WWP2: variants seen among roughly 807,000 people sequenced by gnomAD.
The protein encoded by WWP2 is WW domain containing E3 ubiquitin protein ligase 2, also known as NEDD4-like E3 ubiquitin-protein ligase WWP2.
WWP2 carries 57 observed loss-of-function variants against 121.0 expected under a neutral mutation model. The ratio of observed to expected loss-of-function variants is 0.47; its 90% CI spans 0.38 to 0.59. The LOEUF (loss-of-function observed/expected upper bound fraction) is 0.59. WWP2 is among the 20% of genes least tolerant of loss of function. WWP2 has a pLI of 0.00. For synonymous variants in WWP2, 449 were observed against 441.3 expected (o/e 1.02, Z -0.22); for missense variants, 962 against 1,158.9 (o/e 0.83, Z 2.47).
At chr16:69,846,786 G>A (rs980047722) in intron 6 of WWP2, among the ~76,000 whole-genome samples, 2 of 151,990 alleles carry the variant, frequency 1.3e-5, no homozygotes, top group African/African-American at 2.4e-5. Context: ...TATCTTGGGA[G>A]GAGGCAGACA....
At chr16:69,849,401 A>G (rs1354741064) in intron 6 of WWP2, among the ~76,000 whole-genome samples, 1 of 152,240 alleles carries the variant, frequency 6.6e-6, no homozygotes, top group Non-Finnish European at 1.5e-5. Context: ...CCCATGCAGT[A>G]GCTTATGCTT....
intron 1 of WWP2, among the ~76,000 whole-genome samples, chr16:69,769,968 T>C (rs1170279173): frequency 2.0e-5 from 3 of 151,640 alleles, no homozygotes; most frequent in Admixed American, 2.0e-4. Context: ...TCTAAGCGAT[T>C]CCCGTGCCTC....
At chr16:69,812,477 C>CTTTTT (rs1178666410) in intron 4 of WWP2, among the ~76,000 whole-genome samples, 6 of 119,888 alleles carry the variant, frequency 5.0e-5, no homozygotes, top group African/African-American at 1.6e-4. Context: ...AACCCCCCCC[C>CTTTTT]TTTTTTTTTT....
At chr16:69,820,034 C>T (rs1274010276) in intron 4 of WWP2, among the ~76,000 whole-genome samples, 8 of 151,946 alleles carry the variant, frequency 5.3e-5, no homozygotes, top group South Asian at 2.1e-4. Context: ...GGATGGGGTT[C>T]GAGACTAGCC....
At chr16:69,814,417 C>T (rs532000768) in intron 4 of WWP2, among the ~76,000 whole-genome samples, 2 of 148,770 alleles carry the variant, frequency 1.3e-5, no homozygotes, top group African/African-American at 5.0e-5. Context: ...AACCTTCCTC[C>T]ACTCTCATGA....
intron 4 of WWP2, among the ~76,000 whole-genome samples, chr16:69,828,900 C>G (rs2056748678): frequency 6.6e-6 from 1 of 152,136 alleles, no homozygotes; most frequent in African/African-American, 2.4e-5. Flanking sequence ...CTTCTGAGCT[C>G]TCTTCCCACG....
In WWP2 at chr16:69,940,079, G is replaced by A; in HGVS notation, c.*139G>A. 1.5e-6 allele frequency: 1 copy of A among 689,408 alleles called. No homozygotes were observed. Among genetic ancestry groups the A allele is most frequent in the Non-Finnish European group, 2.4e-6 (1 of 418,264 alleles). 42.7% of individuals were successfully genotyped at this position (689,408 alleles called of 1,614,324 possible). A position where few individuals can be genotyped will look rare whatever the true frequency, so the allele number is the denominator to read the frequency against. ...GGGACCACACTGTCATCTCGCTGCT[G>A]GCAGAAAAGCCTGATCCCAGGAGGC... On this transcript the variant is annotated 3_prime_UTR_variant, in exon 24 of 24. Transcript: ENST00000359154.
At chr16:69,805,432 A>G (rs2056254785) in intron 4 of WWP2, among the ~76,000 whole-genome samples, 1 of 152,078 alleles carries the variant, frequency 6.6e-6, no homozygotes, top group Admixed American at 6.6e-5. Flanking sequence ...TTTGCATAAA[A>G]CTTTCTGTTT....
At chr16:69,763,644 A>G (rs1312344492) in intron 1 of WWP2, among the ~76,000 whole-genome samples, 4 of 152,244 alleles carry the variant, frequency 2.6e-5, no homozygotes, top group Non-Finnish European at 4.4e-5. Context: ...CAGGGAACAA[A>G]CAGACTTACG....
chr16:69,847,941 A>G (rs1011786361), intron 6 of WWP2, among the ~76,000 whole-genome samples: 2 of 152,122 alleles, frequency 1.3e-5, no homozygotes, highest in Non-Finnish European at 2.9e-5. Context: ...AGCCCACAGG[A>G]CTGTCTGTGA....
intron 6 of WWP2, among the ~76,000 whole-genome samples, chr16:69,869,940 A>G (rs546125067): frequency 6.6e-6 from 1 of 152,148 alleles, no homozygotes; most frequent in African/African-American, 2.4e-5. Context: ...GGAACTTTCT[A>G]TTATAGCTCT....
intron 8 of WWP2, among the ~76,000 whole-genome samples, chr16:69,901,812 G>A (rs888225813): frequency 4.6e-5 from 7 of 152,130 alleles, no homozygotes; most frequent in African/African-American, 1.2e-4. Context: ...TTAGCCAGGC[G>A]TGGTGGCGAG....
rs1158079632 is a variant in WWP2 at position 69,762,421 on chromosome 16, G to GGGCT, written c.-16+36_-16+39dup. The GGGCT allele has an allele frequency of 7.4e-5, 11 of 148,648 alleles. No homozygotes were observed. In the East Asian group the frequency reaches 2.2e-3, roughly 29 times the overall value. The allele number at this position is 148,648 out of a possible 1,614,324, so 9.2% of individuals were successfully genotyped here. A position where few individuals can be genotyped will look rare whatever the true frequency, so the allele number is the denominator to read the frequency against. On this transcript the variant is annotated intron_variant, in intron 1 of 23. Transcript: ENST00000359154. Reference sequence around the variant, plus strand: ...CGAGCGCTGGCGCGGGGGGCGCGGTGGGCTGGCTGCCTGCACGGGGCGGGC... The same window carrying GGGCT: ...CGAGCGCTGGCGCGGGGGGCGCGGTGGGCTGGCTGGCTGCCTGCACGGGGCGGGC...
intron 7 of WWP2, among the ~76,000 whole-genome samples, chr16:69,881,483 A>C (rs1050259802): frequency 6.6e-6 from 1 of 152,248 alleles, no homozygotes; most frequent in Non-Finnish European, 1.5e-5. Flanking sequence ...ACATTAGTGC[A>C]AAAGTTGGTG....
At chr16:69,926,796 G>A (rs2058646501) in intron 11 of WWP2, among the ~76,000 whole-genome samples, 1 of 152,220 alleles carries the variant, frequency 6.6e-6, no homozygotes, top group South Asian at 2.1e-4. Flanking sequence ...TCCAATGCGA[G>A]AGAGTAAAAC....
intron 6 of WWP2, among the ~76,000 whole-genome samples, chr16:69,855,343 G>A (rs1057492452): frequency 2.0e-5 from 3 of 152,098 alleles, no homozygotes; most frequent in African/African-American, 4.8e-5. Context: ...ACTTCAGTCT[G>A]CCCTCTGCCT....
intron 1 of WWP2, among the ~76,000 whole-genome samples, chr16:69,772,180 C>T (rs184196934): frequency 8.0e-4 from 122 of 151,932 alleles, no homozygotes; most frequent in Non-Finnish European, 1.4e-3. Context: ...AGGCTGGTCT[C>T]GAACTCCCGA....
At chr16:69,831,812 G>C (rs1423114634) in intron 4 of WWP2, among the ~76,000 whole-genome samples, 1 of 149,472 alleles carries the variant, frequency 6.7e-6, no homozygotes, top group East Asian at 1.9e-4. Flanking sequence ...ATGCTGGCAT[G>C]GAAAAAAACA....
intron 6 of WWP2, among the ~76,000 whole-genome samples, chr16:69,850,672 G>A (rs550090075): frequency 6.6e-6 from 1 of 152,148 alleles, no homozygotes; most frequent in Non-Finnish European, 1.5e-5. Context: ...AGGCAAGGAG[G>A]AGTAAGAGAA....
Sources: gnomAD v4.1 joint callset for allele counts (sites outside exome capture counted in the v4.1 genomes callset) on GRCh38, gnomAD v4.1.1 for gene constraint, MANE v1.5 for transcripts, NCBI Gene and HGNC (gene_info 2026-07-23, HGNC 2026-07-21) for gene names.